SDK1: variants seen among roughly 807,000 people sequenced by gnomAD.
SDK1 encodes the protein protein sidekick-1.
In SDK1, 157 loss-of-function variants were observed where a neutral mutation model predicts 245.5. That is an observed-to-expected ratio of 0.64 (90% confidence interval 0.56 to 0.73). The LOEUF (loss-of-function observed/expected upper bound fraction) is 0.73, where lower values mean the gene tolerates loss of function less well. Ranked by LOEUF, SDK1 falls within the 30% of genes least tolerant of loss-of-function variation. SDK1 has a pLI of 0.00. For missense variants in SDK1, 3,583 were observed against 3,002.3 expected, an observed-to-expected ratio of 1.19 and a Z score of -4.52; for synonymous variants, 1,647 against 1,278.5, an observed-to-expected ratio of 1.29 and a Z score of -6.15.
At chr7:4,033,542 A>G (rs1295755291) in intron 17 of SDK1, among the ~76,000 whole-genome samples, 1 of 152,208 alleles carries the variant, frequency 6.6e-6, no homozygotes, top group Non-Finnish European at 1.5e-5. Flanking sequence ...GACAAATAGC[A>G]AATTGGGGGA....
chr7:3,865,955 C>T (rs1018567390), intron 5 of SDK1, among the ~76,000 whole-genome samples: 12 of 152,122 alleles, frequency 7.9e-5, no homozygotes, highest in African/African-American at 2.7e-4. Context: ...ATTTGAAAAG[C>T]AGAGAGAGCA....
At chr7:3,816,292 T>C (rs968205050) in intron 4 of SDK1, among the ~76,000 whole-genome samples, 2 of 151,600 alleles carry the variant, frequency 1.3e-5, no homozygotes, top group African/African-American at 4.9e-5. Flanking sequence ...CTTCAAAAAC[T>C]CAATGAATCC....
intron 4 of SDK1, among the ~76,000 whole-genome samples, chr7:3,682,912 T>G (rs6462226): frequency 6.6e-6 from 1 of 151,980 alleles, no homozygotes; most frequent in South Asian, 2.1e-4. Context: ...TTTTGTACTT[T>G]TAGTAGAGAC....
intron 44 of SDK1, among the ~76,000 whole-genome samples, chr7:4,249,226 T>A (rs1277217801): frequency 1.3e-5 from 2 of 152,146 alleles, no homozygotes; most frequent in Non-Finnish European, 1.5e-5. Flanking sequence ...AAGCCGAGAC[T>A]GAGAGTTTTT....
chr7:3,814,604 T>G (rs1779463249), intron 4 of SDK1, among the ~76,000 whole-genome samples: 2 of 152,214 alleles, frequency 1.3e-5, no homozygotes, highest in South Asian at 4.2e-4. Context: ...GGGCTCTTTT[T>G]TGGTTCCACA....
At chr7:3,451,515 T>C (rs1780513847) in intron 1 of SDK1, among the ~76,000 whole-genome samples, 1 of 152,066 alleles carries the variant, frequency 6.6e-6, no homozygotes, top group South Asian at 2.1e-4. Context: ...TCACACTGCA[T>C]CAATGTGATC....
At chr7:3,905,510 T>C (rs1350635031) in intron 5 of SDK1, among the ~76,000 whole-genome samples, 1 of 152,168 alleles carries the variant, frequency 6.6e-6, no homozygotes, top group Admixed American at 6.5e-5. Context: ...TTCCCTATGG[T>C]TTTTAGGGTT....
chr7:3,415,225 A>G (rs907323167), intron 1 of SDK1, among the ~76,000 whole-genome samples: 3 of 152,234 alleles, frequency 2.0e-5, no homozygotes, highest in African/African-American at 7.2e-5. Context: ...GAAAAAGTGC[A>G]TATGTTACAA....
rs1038660872 is a variant in SDK1 at position 4,268,186 on chromosome 7, A to G, written c.*2802A>G. Reference sequence around the variant, plus strand: ...GGCTGAGTCTCCCCACCCACCCCCAACGTGGCTCATTTCAGATTGCTTCGG... The same window carrying G: ...GGCTGAGTCTCCCCACCCACCCCCAGCGTGGCTCATTTCAGATTGCTTCGG... On this transcript the variant is annotated 3_prime_UTR_variant, in exon 45 of 45. Coordinates refer to ENST00000404826, the MANE Select transcript of SDK1 (RefSeq NM_152744.4). The G allele has an allele frequency of 1.5e-5, 15 of 987,150 alleles. No homozygotes were observed. The highest frequency in any genetic ancestry group is 1.7e-5 in the Non-Finnish European group (14 of 831,154). The allele number at this position is 987,150 out of a possible 1,614,324, so 61.1% of individuals were successfully genotyped here. A position where few individuals can be genotyped will look rare whatever the true frequency, so the allele number is the denominator to read the frequency against.
intron 5 of SDK1, among the ~76,000 whole-genome samples, chr7:3,946,090 T>C (rs74541110): frequency 0.041 from 6,135 of 150,784 alleles, 344 homozygotes; most frequent in African/African-American, 0.13. Flanking sequence ...ATGAAGGAAC[T>C]AACGCTATCA....
At chr7:3,686,072 C>CG (rs1554247728) in intron 4 of SDK1, among the ~76,000 whole-genome samples, 2 of 151,646 alleles carry the variant, frequency 1.3e-5, no homozygotes, top group African/African-American at 4.8e-5. Context: ...ATGAGGCAAA[C>CG]TTTTTTTTAT....
chr7:3,903,232 C>T (rs2062177018), intron 5 of SDK1, among the ~76,000 whole-genome samples: 1 of 151,634 alleles, frequency 6.6e-6, no homozygotes, highest in African/African-American at 2.4e-5. Context: ...CAAGCTCCAC[C>T]TCCCGGGTTC....
At chr7:3,770,785 G>A (rs776875374) in intron 4 of SDK1, among the ~76,000 whole-genome samples, 2 of 152,238 alleles carry the variant, frequency 1.3e-5, no homozygotes, top group African/African-American at 4.8e-5. Context: ...TTGTCAGTGG[G>A]ACTCCTGTTC....
chr7:3,974,249 C>T (rs1450400018), intron 12 of SDK1, 120 bp from the exon 13 acceptor site: 16 of 707,914 alleles, frequency 2.3e-5, no homozygotes, highest in South Asian at 1.8e-4. Flanking sequence ...GAGCACAGTT[C>T]AGTGGTTTTT....
At chr7:3,455,039 G>A (rs1173533283) in intron 1 of SDK1, among the ~76,000 whole-genome samples, 1 of 151,910 alleles carries the variant, frequency 6.6e-6, no homozygotes, top group Non-Finnish European at 1.5e-5. Context: ...GGTATGCAGT[G>A]ATATCTTGTG....
chr7:3,478,069 T>G (rs949442292), intron 1 of SDK1, among the ~76,000 whole-genome samples: 1 of 152,200 alleles, frequency 6.6e-6, no homozygotes, highest in Non-Finnish European at 1.5e-5. Context: ...ATTTTCTGTT[T>G]TGTTCCACTA....
chr7:3,952,616 A>G (rs1456923759), intron 7 of SDK1, among the ~76,000 whole-genome samples: 4 of 152,206 alleles, frequency 2.6e-5, no homozygotes, highest in African/African-American at 9.6e-5. Flanking sequence ...AAATTATTCT[A>G]TTAATTATTA....
intron 24 of SDK1, 128 bp from the exon 25 acceptor site, chr7:4,113,909 C>G: frequency 2.9e-6 from 2 of 683,202 alleles, no homozygotes; most frequent in South Asian, 1.9e-5. Flanking sequence ...GTAGATCCTT[C>G]TAAGACTATT....
At chr7:4,198,484 G>A (rs1184523911) in intron 35 of SDK1, among the ~76,000 whole-genome samples, 1 of 152,216 alleles carries the variant, frequency 6.6e-6, no homozygotes, top group East Asian at 1.9e-4. Flanking sequence ...CTCGGAGCAG[G>A]ATCTGCAAAC....
Sources: gnomAD v4.1 joint callset for allele counts (sites outside exome capture counted in the v4.1 genomes callset) on GRCh38, gnomAD v4.1.1 for gene constraint, MANE v1.5 for transcripts, NCBI Gene and HGNC (gene_info 2026-07-23, HGNC 2026-07-21) for gene names.